HPSE2: variants seen among roughly 807,000 people sequenced by gnomAD.
HPSE2 encodes the protein heparanase 2 (inactive).
Under a neutral mutation model 60.5 loss-of-function variants are expected in HPSE2, and 38 were observed. That is an observed-to-expected ratio of 0.63 (90% CI 0.48 to 0.82). HPSE2 has a LOEUF of 0.82. Among genes scored for constraint, HPSE2 ranks in the 40% least tolerant of loss-of-function variants. The pLI is 0.00. For synonymous variants in HPSE2, 295 were observed against 293.2 expected (o/e 1.01, Z -0.06); for missense variants, 713 against 740.4 (o/e 0.96, Z 0.43).
At chr10:99,145,220 G>A (rs886188253) in intron 2 of HPSE2, among the ~76,000 whole-genome samples, 3 of 152,304 alleles carry the variant, frequency 2.0e-5, no homozygotes, top group African/African-American at 2.4e-5. Context: ...ACTTTGGGAG[G>A]CCAAGGCGGG....
intron 5 of HPSE2, among the ~76,000 whole-genome samples, chr10:98,704,040 CCTTAAGCTGATAAACAA>C (rs1948481027): frequency 1.3e-5 from 2 of 152,140 alleles, no homozygotes; most frequent in African/African-American, 4.8e-5. Context: ...CCCAAAAACT[CCTTAAGCTGATAAACAA>C]CTTCAGCAAA....
intron 4 of HPSE2, among the ~76,000 whole-genome samples, chr10:98,729,341 G>T (rs1051781289): frequency 1.1e-4 from 16 of 152,120 alleles, no homozygotes; most frequent in African/African-American, 3.4e-4. Context: ...GCAGCATGGT[G>T]GCTCACACCT....
intron 3 of HPSE2, among the ~76,000 whole-genome samples, chr10:99,052,519 G>T (rs1333452953): frequency 6.6e-6 from 1 of 151,854 alleles, no homozygotes; most frequent in East Asian, 1.9e-4. Flanking sequence ...AAAAATGGAT[G>T]AAAACTTCCC....
chr10:99,239,535 T>G (rs1189340724), upstream of HPSE2, among the ~76,000 whole-genome samples: 1 of 142,394 alleles, frequency 7.0e-6, no homozygotes, highest in African/African-American at 2.6e-5. Context: ...GTTCAAGCAA[T>G]TCTCCTGCCT....
rs561637664 is a variant in HPSE2 at position 98,509,970 on chromosome 10, C to T, written c.1321-19774G>A. 5.9e-5 allele frequency among the ~76,000 whole-genome samples: 9 copies of T among 152,040 alleles called. No homozygotes were observed. The South Asian group carries it at 1.0e-3, about 18-fold the overall frequency. ...TCTGCCAGGGACACACACACACACA[C>T]GCACACACACACACTTTGTTAACTG... On this transcript the variant is annotated intron_variant, in intron 9 of 11. Transcript: ENST00000370552.
intron 6 of HPSE2, among the ~76,000 whole-genome samples, chr10:98,689,314 A>G (rs536247653): frequency 4.6e-5 from 7 of 152,220 alleles, no homozygotes; most frequent in African/African-American, 1.7e-4. Context: ...TTTAAGTTGT[A>G]TAATTTCTGT....
At chr10:98,846,913 C>G (rs570352780) in intron 3 of HPSE2, among the ~76,000 whole-genome samples, 1 of 152,082 alleles carries the variant, frequency 6.6e-6, no homozygotes, top group African/African-American at 2.4e-5. Context: ...ACTTAAAGTC[C>G]AGGAGACAAA....
chr10:98,478,016 G>A (rs185265630), intron 11 of HPSE2, among the ~76,000 whole-genome samples: 1 of 152,304 alleles, frequency 6.6e-6, no homozygotes, highest in Admixed American at 6.5e-5. Flanking sequence ...ACAGTCTGTG[G>A]AAAAACTGTC....
At chr10:98,683,584 A>G (rs1214156683) in intron 6 of HPSE2, among the ~76,000 whole-genome samples, 1 of 152,032 alleles carries the variant, frequency 6.6e-6, no homozygotes, top group Admixed American at 6.6e-5. Flanking sequence ...AGAATATGAT[A>G]GCAACATGTA....
chr10:99,120,070 C>T (rs914172034), intron 3 of HPSE2, among the ~76,000 whole-genome samples: 22 of 152,098 alleles, frequency 1.4e-4, no homozygotes, highest in South Asian at 2.1e-4. Context: ...AAAGCAATCA[C>T]GACAAAAGCA....
intron 9 of HPSE2, among the ~76,000 whole-genome samples, chr10:98,558,852 CAT>C (rs1944089086): frequency 6.6e-6 from 1 of 152,148 alleles, no homozygotes; most frequent in African/African-American, 2.4e-5. Context: ...CTTCTGAAAA[CAT>C]GTGAAGATCT....
At chr10:98,753,211 TAAAAAAATGA>T (rs1452358548) in intron 3 of HPSE2, among the ~76,000 whole-genome samples, 1 of 151,980 alleles carries the variant, frequency 6.6e-6, no homozygotes, top group Non-Finnish European at 1.5e-5. Context: ...GTATTATCAC[TAAAAAAATGA>T]TAACTATGTG....
the HPSE2 span, among the ~76,000 whole-genome samples, chr10:99,250,055 A>C: frequency 6.6e-6 from 1 of 151,674 alleles, no homozygotes; most frequent in Non-Finnish European, 1.5e-5. Context: ...AGGCAGGAGA[A>C]TCACTTGAAA....
the HPSE2 span, among the ~76,000 whole-genome samples, chr10:99,313,046 C>T: frequency 6.6e-6 from 1 of 152,214 alleles, no homozygotes; most frequent in Admixed American, 6.5e-5. Context: ...TGATTGTAAG[C>T]TTCCTGAGAC....
intron 3 of HPSE2, among the ~76,000 whole-genome samples, chr10:98,892,114 T>C (rs924792364): frequency 6.6e-6 from 1 of 152,138 alleles, no homozygotes; most frequent in Non-Finnish European, 1.5e-5. Flanking sequence ...TATGTATACT[T>C]TGAGTATCTG....
At chr10:98,662,678 T>C (rs973825674) in intron 6 of HPSE2, among the ~76,000 whole-genome samples, 1 of 152,178 alleles carries the variant, frequency 6.6e-6, no homozygotes, top group African/African-American at 2.4e-5. Context: ...ATAACAAACC[T>C]GCACATGTAC....
At chr10:98,670,350 A>G (rs1947473761) in intron 6 of HPSE2, among the ~76,000 whole-genome samples, 1 of 152,236 alleles carries the variant, frequency 6.6e-6, no homozygotes, top group African/African-American at 2.4e-5. Flanking sequence ...TGGGGAAGAA[A>G]TAAAAACTGT....
chr10:99,241,942 T>G, the HPSE2 span, among the ~76,000 whole-genome samples: 1 of 152,324 alleles, frequency 6.6e-6, no homozygotes, highest in South Asian at 2.1e-4. Context: ...TATAATATGG[T>G]GTTAATAAAC....
chr10:99,040,650 C>T (rs1408137917), intron 3 of HPSE2, among the ~76,000 whole-genome samples: 1 of 151,434 alleles, frequency 6.6e-6, no homozygotes, highest in African/African-American at 2.4e-5. Context: ...ATATTTATAC[C>T]CAAAAATAAA....
Sources: allele counts gnomAD v4.1 joint callset (sites outside exome capture counted in the v4.1 genomes callset), GRCh38; gene constraint gnomAD v4.1.1; transcripts MANE v1.5; gene names NCBI Gene and HGNC (gene_info 2026-07-23, HGNC 2026-07-21).